NTM: variants seen among roughly 807,000 people sequenced by gnomAD.
The protein encoded by NTM is IgLON family member 2.
Under a neutral mutation model 42.1 loss-of-function variants are expected in NTM, and 13 were observed. The ratio of observed to expected loss-of-function variants is 0.31; its 90% CI spans 0.20 to 0.49. The LOEUF is 0.49. Among genes scored for constraint, NTM ranks in the 20% least tolerant of loss-of-function variants. The pLI is 0.99. For missense variants in NTM, 373 were observed against 452.8 expected (o/e 0.82, Z 1.60); for synonymous variants, 187 against 179.2 (o/e 1.04, Z -0.35).
At chr11:132,311,274 A>G (rs2095271972) in intron 6 of NTM, among the ~76,000 whole-genome samples, 1 of 152,190 alleles carries the variant, frequency 6.6e-6, no homozygotes, top group African/African-American at 2.4e-5. Flanking sequence ...TTTGTTTAGA[A>G]CCACGTCAAT....
At chr11:132,213,688 G>A (rs2083285520) in intron 4 of NTM, among the ~76,000 whole-genome samples, 1 of 151,532 alleles carries the variant, frequency 6.6e-6, no homozygotes, top group African/African-American at 2.4e-5. Flanking sequence ...ATTTTCAGTT[G>A]TGTGTGGCCT....
chr11:131,638,695 C>T (rs949382944), intron 1 of NTM, among the ~76,000 whole-genome samples: 12 of 151,922 alleles, frequency 7.9e-5, no homozygotes, highest in Non-Finnish European at 1.5e-4. Context: ...ATTTCTACCC[C>T]CTTCTAAGGA....
chr11:132,022,082 T>C (rs546798252), intron 2 of NTM, among the ~76,000 whole-genome samples: 1 of 152,298 alleles, frequency 6.6e-6, no homozygotes, highest in East Asian at 1.9e-4. Flanking sequence ...CCATTCAAAG[T>C]AAGTGAGCCT....
chr11:131,880,297 A>G (rs1217338992), intron 1 of NTM, among the ~76,000 whole-genome samples: 1 of 152,220 alleles, frequency 6.6e-6, no homozygotes, highest in Non-Finnish European at 1.5e-5. Context: ...CAGAACTCCT[A>G]GTCATGCTCA....
intron 1 of NTM, among the ~76,000 whole-genome samples, chr11:131,484,031 T>C (rs1460349291): frequency 2.0e-5 from 3 of 152,230 alleles, no homozygotes; most frequent in African/African-American, 4.8e-5. Flanking sequence ...TAATTTTCTT[T>C]GTCGGAGACA....
At chr11:132,301,231 A>G (rs758506527) in intron 4 of NTM, among the ~76,000 whole-genome samples, 1 of 152,162 alleles carries the variant, frequency 6.6e-6, no homozygotes, top group Non-Finnish European at 1.5e-5. Context: ...GCGAAGTGGG[A>G]AGCTCCTTAT....
intron 2 of NTM, among the ~76,000 whole-genome samples, chr11:131,948,237 T>C (rs967005721): frequency 3.3e-5 from 5 of 151,324 alleles, no homozygotes; most frequent in Admixed American, 1.3e-4. Flanking sequence ...TGGTGGTGGG[T>C]GCCTGTAGTC....
chr11:131,918,814 C>G (rs1565735676), intron 2 of NTM, among the ~76,000 whole-genome samples: 1 of 152,166 alleles, frequency 6.6e-6, no homozygotes, highest in Admixed American at 6.5e-5. Flanking sequence ...CGTGGAGACA[C>G]AGGGACCCAA....
chr11:131,650,315 T>C (rs1157132380), intron 1 of NTM, among the ~76,000 whole-genome samples: 2 of 152,136 alleles, frequency 1.3e-5, no homozygotes, highest in Non-Finnish European at 2.9e-5. Context: ...AGTCAAGAGG[T>C]GTGGACTTAG....
Position 132,146,791 on chromosome 11 carries a change from C to A in NTM, c.400+277C>A, listed in dbSNP as rs1396695241. 5 of 414,310 alleles carry A rather than the reference C, an allele frequency of 1.2e-5. No individual in the cohort carries two copies. Among genetic ancestry groups the A allele is most frequent in the Non-Finnish European group, 2.1e-5 (5 of 235,388 alleles). 25.7% of individuals were successfully genotyped at this position (414,310 alleles called of 1,614,324 possible). On this transcript the variant is annotated intron_variant, in intron 3 of 8. Transcript: ENST00000683400. This position sits in a 1 kb window ranked among gnomAD's most constrained non-coding sequence, Gnocchi z 4.5. ...TATTGCTCTTCTTGGCTTTTTTCTCCCCTAAGTTTTAGTTATTTTTGTTTG... is the reference window on the plus strand; with the variant it reads ...TATTGCTCTTCTTGGCTTTTTTCTCACCTAAGTTTTAGTTATTTTTGTTTG...
rs2042876787 is a variant in NTM at position 131,831,974 on chromosome 11, T to C, written c.83-79590T>C. 2.7e-5 allele frequency among the ~76,000 whole-genome samples: 4 copies of C among 148,050 alleles called. No individual in the cohort carries two copies. In the South Asian group the frequency reaches 8.4e-4, roughly 31 times the overall value. ...TATATATAATTAAATATAATATATATATGAAAAGCCTAGTACATATATATA... is the reference window on the plus strand; with the variant it reads ...TATATATAATTAAATATAATATATACATGAAAAGCCTAGTACATATATATA... On this transcript the variant is annotated intron_variant, in intron 1 of 8. Coordinates refer to ENST00000683400, the MANE Select transcript of NTM (RefSeq NM_001352005.2).
chr11:131,567,920 G>A (rs2057057459), intron 1 of NTM, among the ~76,000 whole-genome samples: 1 of 152,140 alleles, frequency 6.6e-6, no homozygotes, highest in Admixed American at 6.5e-5. Context: ...CATAGCACAT[G>A]GTATGTGCCC....
intron 1 of NTM, among the ~76,000 whole-genome samples, chr11:131,789,783 C>T (rs1272645815): frequency 4.0e-5 from 5 of 124,362 alleles, no homozygotes; most frequent in African/African-American, 8.9e-5. Flanking sequence ...GGTGAAACCC[C>T]GTCTCTACTA....
chr11:131,410,540 A>AAAAT (rs1397136623), intron 1 of NTM, among the ~76,000 whole-genome samples: 10 of 150,032 alleles, frequency 6.7e-5, no homozygotes, highest in African/African-American at 2.4e-4. Flanking sequence ...AAAAAAAAAA[A>AAAAT]AAACAGAGAA....
intron 1 of NTM, among the ~76,000 whole-genome samples, chr11:131,782,677 C>T (rs924858758): frequency 1.3e-5 from 2 of 151,994 alleles, no homozygotes; most frequent in African/African-American, 4.8e-5. Context: ...CCTAGGAATT[C>T]AAGGTTGGTT....
intron 2 of NTM, among the ~76,000 whole-genome samples, chr11:132,044,466 G>A (rs951408318): frequency 2.6e-4 from 40 of 152,150 alleles, no homozygotes; most frequent in African/African-American, 9.4e-4. Context: ...CAGTAGATGT[G>A]TCTGTTCAAG....
chr11:131,997,591 T>C lies in NTM; in HGVS notation c.167+85943T>C, dbSNP rs911713346. ...AGGTGTTCACACCATCATTGACAAA[T>C]TTTCTGAACCATGTGGAACACTTGT... On this transcript the variant is annotated intron_variant, in intron 2 of 8. Coordinates refer to ENST00000683400, the MANE Select transcript of NTM (RefSeq NM_001352005.2). 2.0e-5 allele frequency among the ~76,000 whole-genome samples: 3 copies of C among 152,140 alleles called. No homozygotes were observed. The South Asian group carries it at 6.2e-4, about 32-fold the overall frequency.
chr11:132,122,743 C>T (rs1009711667), intron 2 of NTM, among the ~76,000 whole-genome samples: 5 of 152,158 alleles, frequency 3.3e-5, no homozygotes, highest in Non-Finnish European at 7.3e-5. Flanking sequence ...CAGGGACTCA[C>T]CCCTTTCTCC....
intron 2 of NTM, among the ~76,000 whole-genome samples, chr11:131,962,201 C>A (rs951934549): frequency 3.3e-5 from 5 of 152,246 alleles, no homozygotes; most frequent in Non-Finnish European, 7.4e-5. Flanking sequence ...CTCTCATAAT[C>A]ATCTTTCTCT....
Sources: allele counts gnomAD v4.1 joint callset (sites outside exome capture counted in the v4.1 genomes callset), GRCh38; gene constraint gnomAD v4.1.1; non-coding constraint Gnocchi (gnomAD v3.1); transcripts MANE v1.5; gene names NCBI Gene and HGNC (gene_info 2026-07-23, HGNC 2026-07-21).